The following TANGO2 variants were observed in gnomAD, a reference collection of about 807,000 sequenced individuals.
The protein encoded by TANGO2 is transport and golgi organization 2 homolog.
In TANGO2, 26 loss-of-function variants were observed where a neutral mutation model predicts 39.1. That is an observed-to-expected ratio of 0.67 (90% CI 0.49 to 0.92). The LOEUF (loss-of-function observed/expected upper bound fraction) is 0.92, where lower values mean the gene tolerates loss of function less well. Ranked by LOEUF, TANGO2 falls within the 40% of genes least tolerant of loss-of-function variation. The probability of loss-of-function intolerance (pLI) is 0.00; values close to 1 mark genes in which losing one functional copy is unlikely to be tolerated. For missense variants in TANGO2, 326 were observed against 360.1 expected (o/e 0.91, Z 0.77); for synonymous variants, 131 against 144.5 (o/e 0.91, Z 0.67).
intron 5 of TANGO2, 111 bp from the exon 6 acceptor site, chr22:20,055,832 G>A (rs2047222945): frequency 1.0e-6 from 1 of 964,464 alleles, no homozygotes; most frequent in African/African-American, 1.6e-5. Context: ...GGCCGCAGCG[G>A]GCTACTGCGC....
Position 20,046,107 on chromosome 22 carries a change from C to T in TANGO2, c.145+2664C>T, listed in dbSNP as rs538752905. On this transcript the variant is annotated intron_variant, in intron 3 of 8. Transcript: ENST00000327374. ...GGACTTTTGTGCCACTGTCTTAGTTCGTTTGTGTTGCTCTAAAGGAAAAAG... is the reference window on the plus strand; with the variant it reads ...GGACTTTTGTGCCACTGTCTTAGTTTGTTTGTGTTGCTCTAAAGGAAAAAG... Among the ~76,000 whole-genome samples, 86 of 151,980 alleles carry T rather than the reference C, an allele frequency of 5.7e-4. 1 individual carries two copies. The highest frequency in any genetic ancestry group is 1.8e-3 in the African/African-American group (74 of 41,448).
At chr22:20,051,445 C>T (rs1390293165) in intron 3 of TANGO2, among the ~76,000 whole-genome samples, 5 of 152,036 alleles carry the variant, frequency 3.3e-5, no homozygotes, top group African/African-American at 9.7e-5. Flanking sequence ...GCAGGAGAAT[C>T]GCTTGAACCC....
chr22:20,035,225 G>A (rs2042629487), intron 1 of TANGO2, among the ~76,000 whole-genome samples: 1 of 152,246 alleles, frequency 6.6e-6, no homozygotes, highest in African/African-American at 2.4e-5. Flanking sequence ...CAACTGCACA[G>A]CCACCAGCTC....
chr22:20,048,255 C>G (rs2045628618), intron 3 of TANGO2: 2 of 152,196 alleles, frequency 1.3e-5, no homozygotes, highest in African/African-American at 4.8e-5. Context: ...GGGGCTTTTC[C>G]TGCTTTGCTT....
intron 3 of TANGO2, among the ~76,000 whole-genome samples, chr22:20,045,877 G>A (rs2045079777): frequency 1.3e-5 from 2 of 151,060 alleles, no homozygotes; most frequent in South Asian, 4.2e-4. Context: ...ACATATATTA[G>A]TTCACTTGCC....
rs2047650471 is a variant in TANGO2, at chr22:20,057,833, C to T, written c.451+1820C>T. On this transcript the variant is annotated intron_variant, in intron 6 of 8. Coordinates refer to ENST00000327374, the MANE Select transcript of TANGO2 (RefSeq NM_152906.7). The surrounding 1 kb of genome is among the most constrained non-coding windows in gnomAD (Gnocchi z 4.1). The stretch of plus-strand genomic sequence containing the variant: ...AAAGCAGTCAGAGACTCCCTACCAC[C>T]CCCTCACTGTGAACATTGGCCCAGC... 6.6e-6 allele frequency among the ~76,000 whole-genome samples: 1 copy of T among 152,192 alleles called. No homozygotes were observed. The highest frequency in any genetic ancestry group is 2.4e-5 in the African/African-American group (1 of 41,448).
rs111669330 is a variant in TANGO2 at position 20,063,177 on chromosome 22, A to T, written c.606-161A>T. On this transcript the variant is annotated intron_variant, in intron 7 of 8. Transcript: ENST00000327374. The stretch of plus-strand genomic sequence containing the variant: ...TCCTCAAAAAAAGAAAATAAGAGAA[A>T]AGAGAAGAGAAGAGGAAAAAGAAAA... The T allele has an allele frequency of 3.2e-3, 1,905 of 587,676 alleles. 30 individuals carry two copies. Among genetic ancestry groups the T allele is most frequent in the African/African-American group, 0.032 (1,696 of 53,238 alleles). 36.4% of individuals were successfully genotyped at this position (587,676 alleles called of 1,614,324 possible).
rs994429013 is a variant in TANGO2, at chr22:20,066,735, C to T, written c.*2073C>T. ...TTGCTGCCAACACATTCACCTGCCCCAGTGGCTACCATGTCCTGTGCCGGT... is the reference window on the plus strand; with the variant it reads ...TTGCTGCCAACACATTCACCTGCCCTAGTGGCTACCATGTCCTGTGCCGGT... On this transcript the variant is annotated 3_prime_UTR_variant, in exon 9 of 9. Coordinates refer to ENST00000327374, the MANE Select transcript of TANGO2 (RefSeq NM_152906.7). 1.3e-5 allele frequency among the ~76,000 whole-genome samples: 2 copies of T among 152,192 alleles called. No homozygotes were observed. Among genetic ancestry groups the T allele is most frequent in the African/African-American group, 4.8e-5 (2 of 41,446 alleles).
At chr22:20,053,956 G>A in intron 5 of TANGO2, 1 of 350,102 alleles carries the variant, frequency 2.9e-6, no homozygotes. Context: ...AACTGCGGAG[G>A]TTTTGGTGTT....
At chr22:20,040,808 G>A (rs2043763314) in intron 2 of TANGO2, among the ~76,000 whole-genome samples, 1 of 152,176 alleles carries the variant, frequency 6.6e-6, no homozygotes, top group African/African-American at 2.4e-5. Context: ...GGAGACTTGG[G>A]CTGGGTCTGG....
chr22:20,018,789 A>G (rs1157897842), upstream of TANGO2, among the ~76,000 whole-genome samples: 1 of 152,116 alleles, frequency 6.6e-6, no homozygotes, highest in Non-Finnish European at 1.5e-5. Context: ...TCAGAAACAC[A>G]ACAAGGGAGG....
chr22:20,049,854 G>C (rs2045959691), intron 3 of TANGO2, among the ~76,000 whole-genome samples: 1 of 152,118 alleles, frequency 6.6e-6, no homozygotes, highest in Non-Finnish European at 1.5e-5. Flanking sequence ...GGGGAGAAGT[G>C]TCACCTTAAC....
chr22:20,061,357 A>G, intron 6 of TANGO2, 173 bp from the exon 7 acceptor site: 2 of 679,660 alleles, frequency 2.9e-6, no homozygotes, highest in Non-Finnish European at 4.6e-6. Context: ...TTGCCATGCC[A>G]TCAGGTCAGG....
intron 3 of TANGO2, among the ~76,000 whole-genome samples, chr22:20,043,712 T>G (rs1010739884): frequency 2.0e-5 from 3 of 152,190 alleles, no homozygotes; most frequent in African/African-American, 7.2e-5. Context: ...TATGGATCCC[T>G]CCTTTTTGCT....
intron 4 of TANGO2, 79 bp downstream of exon 4, chr22:20,052,663 A>T (rs2046587964): frequency 1.3e-6 from 2 of 1,498,922 alleles, no homozygotes; most frequent in Admixed American, 2.0e-5. Flanking sequence ...GGGCCAAGGG[A>T]CTACAGGACT....
intron 1 of TANGO2, among the ~76,000 whole-genome samples, chr22:20,033,523 T>G (rs1261066287): frequency 6.6e-6 from 1 of 152,196 alleles, no homozygotes; most frequent in Non-Finnish European, 1.5e-5. Context: ...TCGGCTGAAG[T>G]TGATTGAGAC....
intron 2 of TANGO2, 179 bp downstream of exon 2, chr22:20,037,033 G>A (rs760529426): frequency 8.3e-6 from 13 of 1,560,946 alleles, no homozygotes; most frequent in Admixed American, 1.9e-5. Context: ...AATGCCTCTC[G>A]GGGCGGGGAC....
intron 1 of TANGO2, among the ~76,000 whole-genome samples, chr22:20,021,895 A>G (rs1008023589): frequency 6.6e-6 from 1 of 152,242 alleles, no homozygotes; most frequent in African/African-American, 2.4e-5. Flanking sequence ...CAAGCTTTAG[A>G]GTGAACCGTC....
intron 1 of TANGO2, among the ~76,000 whole-genome samples, chr22:20,026,433 C>A (rs2040775115): frequency 6.6e-6 from 1 of 151,684 alleles, no homozygotes. Flanking sequence ...ACTGTGCAAC[C>A]ATACAAGGTA....
Sources: allele counts gnomAD v4.1 joint callset (sites outside exome capture counted in the v4.1 genomes callset), GRCh38; gene constraint gnomAD v4.1.1; non-coding constraint Gnocchi (gnomAD v3.1); transcripts MANE v1.5; gene names NCBI Gene and HGNC (gene_info 2026-07-23, HGNC 2026-07-21).